Variants in FMN1 observed in about 807,000 individuals in gnomAD.
FMN1 encodes formin-1.
Under a neutral mutation model 132.4 loss-of-function variants are expected in FMN1, and 110 were observed. The ratio of observed to expected loss-of-function variants is 0.83; its 90% CI spans 0.71 to 0.97. The LOEUF (loss-of-function observed/expected upper bound fraction) is 0.97, where lower values mean the gene tolerates loss of function less well. FMN1 is among the 50% of genes least tolerant of loss of function. The pLI, the probability that FMN1 is intolerant of heterozygous loss-of-function variation, is 0.00. For synonymous variants in FMN1, 722 were observed against 651.7 expected (o/e 1.11, Z -1.64); for missense variants, 1,792 against 1,705.3 (o/e 1.05, Z -0.90).
At chr15:32,882,602 T>C (rs1205880633) in intron 16 of FMN1, among the ~76,000 whole-genome samples, 1 of 152,210 alleles carries the variant, frequency 6.6e-6, no homozygotes, top group East Asian at 1.9e-4. Flanking sequence ...TCTAGTTGAC[T>C]TTATTATTGC....
intron 15 of FMN1, 84 bp downstream of exon 15, chr15:32,898,750 G>A (rs981398219): frequency 1.1e-4 from 93 of 880,640 alleles, no homozygotes; most frequent in Middle Eastern, 4.4e-4. Flanking sequence ...CTTGCAGTTC[G>A]TTCATCCATC....
chr15:33,187,604 C>G (rs981179418), intron 2 of FMN1, among the ~76,000 whole-genome samples: 3 of 152,174 alleles, frequency 2.0e-5, no homozygotes, highest in Admixed American at 6.5e-5. Context: ...TGGGACACAG[C>G]CACAGATGAC....
chr15:32,976,989 G>A (rs2032262138), intron 7 of FMN1, among the ~76,000 whole-genome samples: 1 of 152,200 alleles, frequency 6.6e-6, no homozygotes, highest in Admixed American at 6.5e-5. Context: ...CTGAAAAATA[G>A]TAACAAGGGG....
intron 10 of FMN1, among the ~76,000 whole-genome samples, chr15:32,922,989 TTTG>T (rs1021645484): frequency 7.9e-5 from 12 of 152,198 alleles, no homozygotes; most frequent in South Asian, 2.1e-4. Flanking sequence ...GACAATTTTT[TTTG>T]TTGTTGTTGT....
At chr15:32,976,997 G>C (rs2032263120) in intron 7 of FMN1, among the ~76,000 whole-genome samples, 2 of 152,218 alleles carry the variant, frequency 1.3e-5, no homozygotes, top group South Asian at 4.2e-4. Flanking sequence ...TAGTAACAAG[G>C]GGATTTCAAT....
chr15:32,850,743 G>A (rs2058989222), intron 17 of FMN1, among the ~76,000 whole-genome samples: 1 of 152,132 alleles, frequency 6.6e-6, no homozygotes, highest in Non-Finnish European at 1.5e-5. Context: ...ATTCAATGTT[G>A]AAAATCAGAA....
At chr15:32,961,865 C>T (rs1237326172) in intron 9 of FMN1, among the ~76,000 whole-genome samples, 1 of 152,156 alleles carries the variant, frequency 6.6e-6, no homozygotes, top group African/African-American at 2.4e-5. Context: ...ATGGTTGTCT[C>T]TGACTGCCTG....
At chr15:32,927,622 T>C (rs1004218428) in intron 9 of FMN1, among the ~76,000 whole-genome samples, 12 of 152,346 alleles carry the variant, frequency 7.9e-5, no homozygotes, top group Non-Finnish European at 1.5e-4. Context: ...ACATACCTCA[T>C]TGCCAGTTAT....
chr15:32,919,302 G>A (rs2060762399), intron 10 of FMN1, among the ~76,000 whole-genome samples: 1 of 152,210 alleles, frequency 6.6e-6, no homozygotes, highest in Admixed American at 6.5e-5. Context: ...TGGTAGAGCA[G>A]ACACTTTGGT....
At chr15:32,883,541 A>AAAAAAAAAC (rs2059822055) in intron 16 of FMN1, among the ~76,000 whole-genome samples, 1 of 138,400 alleles carries the variant, frequency 7.2e-6, no homozygotes, top group African/African-American at 2.9e-5. Context: ...AAAAAAAAAA[A>AAAAAAAAAC]AGAATGAGAT....
chr15:33,127,082 A>G (rs544204985), intron 4 of FMN1, among the ~76,000 whole-genome samples: 1 of 152,244 alleles, frequency 6.6e-6, no homozygotes, highest in South Asian at 2.1e-4. Flanking sequence ...CAGGCACTGT[A>G]TCAGGAGCTG....
chr15:33,066,501 T>C, intron 5 of FMN1: 1 of 1,501,754 alleles, frequency 6.7e-7, no homozygotes, highest in Non-Finnish European at 8.9e-7. Flanking sequence ...CAAAACCCAA[T>C]TCTACATACA....
chr15:33,109,883 C>G (rs2619174), intron 4 of FMN1, among the ~76,000 whole-genome samples: 53,047 of 150,572 alleles, frequency 0.35, 10,571 homozygotes, highest in East Asian at 0.68. Flanking sequence ...CACTGTAAAT[C>G]AGGAAGTCTA....
rs533984192 is a variant in FMN1, at chr15:33,058,003, A to C, written c.2161+6954T>G. ...AAGTATGATGGGGCTGGTGGTGGAA[A>C]GGCGTGGCGGGGCTGGTAGTGGAAA... On this transcript the variant is annotated intron_variant, in intron 6 of 20. Coordinates refer to ENST00000616417, the MANE Select transcript of FMN1 (RefSeq NM_001277313.2). Among the ~76,000 whole-genome samples the C allele has an allele frequency of 2.6e-5, 4 of 151,728 alleles. No individual in the cohort carries two copies. In the East Asian group the frequency reaches 7.8e-4, roughly 29 times the overall value.
intron 6 of FMN1, among the ~76,000 whole-genome samples, chr15:33,010,755 C>T (rs1039854956): frequency 6.6e-6 from 1 of 151,854 alleles, no homozygotes; most frequent in African/African-American, 2.4e-5. Context: ...CAAAAATATA[C>T]AAAAATCCTC....
chr15:32,869,693 G>A (rs1303496541), intron 16 of FMN1, among the ~76,000 whole-genome samples: 2 of 152,182 alleles, frequency 1.3e-5, no homozygotes, highest in Non-Finnish European at 1.5e-5. Flanking sequence ...GTGCACAGTG[G>A]AGGAGAGGCC....
At chr15:33,099,535 G>A (rs550753907) in intron 4 of FMN1, among the ~76,000 whole-genome samples, 5 of 152,148 alleles carry the variant, frequency 3.3e-5, no homozygotes, top group Non-Finnish European at 4.4e-5. Flanking sequence ...CTTTCAGAAT[G>A]TATCATGAAA....
intron 11 of FMN1, among the ~76,000 whole-genome samples, chr15:32,909,272 G>A (rs748922009): frequency 6.6e-6 from 1 of 152,152 alleles, no homozygotes; most frequent in Non-Finnish European, 1.5e-5. Flanking sequence ...ACTGAGGCTT[G>A]TACTAAGCAA....
intron 16 of FMN1, among the ~76,000 whole-genome samples, chr15:32,872,397 AGTT>A (rs2059537319): frequency 6.6e-6 from 1 of 152,384 alleles, no homozygotes; most frequent in Admixed American, 6.5e-5. Context: ...GGCAGAGCAA[AGTT>A]GTTAGCTAGA....
Sources: gnomAD v4.1 joint callset for allele counts (sites outside exome capture counted in the v4.1 genomes callset) on GRCh38, gnomAD v4.1.1 for gene constraint, MANE v1.5 for transcripts, NCBI Gene and HGNC (gene_info 2026-07-23, HGNC 2026-07-21) for gene names.